NRIP1: variants seen among roughly 807,000 people sequenced by gnomAD.
NRIP1 encodes nuclear receptor interacting protein 1.
NRIP1 carries 28 observed loss-of-function variants against 75.0 expected under a neutral mutation model. That is an observed-to-expected ratio of 0.37 (90% CI 0.28 to 0.51). NRIP1 has a LOEUF of 0.51. Among genes scored for constraint, NRIP1 ranks in the 20% least tolerant of loss-of-function variants. The pLI is 0.92. For missense variants in NRIP1, 1,435 were observed against 1,343.7 expected, an observed-to-expected ratio of 1.07 and a Z score of -1.06; for synonymous variants, 526 against 487.6, an observed-to-expected ratio of 1.08 and a Z score of -1.04.
intron 1 of NRIP1, among the ~76,000 whole-genome samples, chr21:15,054,515 T>G (rs2089267113): frequency 6.6e-6 from 1 of 152,242 alleles, no homozygotes; most frequent in Non-Finnish European, 1.5e-5. Flanking sequence ...AGTTTCACTT[T>G]TTCCCTCATA....
intron 2 of NRIP1, among the ~76,000 whole-genome samples, chr21:15,021,514 A>T (rs1189885184): frequency 6.6e-6 from 1 of 152,162 alleles, no homozygotes; most frequent in Non-Finnish European, 1.5e-5. Flanking sequence ...ATTGACTCAA[A>T]ACCTTCCAAC....
chr21:14,971,159 T>G (rs2086893799), intron 3 of NRIP1, among the ~76,000 whole-genome samples: 1 of 152,212 alleles, frequency 6.6e-6, no homozygotes, highest in East Asian at 1.9e-4. Flanking sequence ...ACAAATAATT[T>G]TATTAAGCTC....
At chr21:15,045,179 G>A (rs1305227938) in intron 1 of NRIP1, among the ~76,000 whole-genome samples, 1 of 152,108 alleles carries the variant, frequency 6.6e-6, no homozygotes, top group Admixed American at 6.5e-5. Context: ...GGTGGTAGGT[G>A]TCCATTCTAC....
chr21:15,062,829 C>CT (rs1240194867), intron 1 of NRIP1, among the ~76,000 whole-genome samples: 2 of 152,164 alleles, frequency 1.3e-5, no homozygotes, highest in African/African-American at 4.8e-5. Flanking sequence ...AGCCTTTAGT[C>CT]TCTTCACACA....
At chr21:15,023,544 G>C (rs2088430725) in intron 2 of NRIP1, among the ~76,000 whole-genome samples, 1 of 152,072 alleles carries the variant, frequency 6.6e-6, no homozygotes, top group Non-Finnish European at 1.5e-5. Context: ...ATATTGGAAG[G>C]CATTAACAAC....
At chr21:15,012,096 T>TA (rs1200380623) in intron 3 of NRIP1, among the ~76,000 whole-genome samples, 2 of 152,106 alleles carry the variant, frequency 1.3e-5, no homozygotes, top group Non-Finnish European at 2.9e-5. Context: ...CAAACTATAG[T>TA]AAAAACCTCA....
intron 3 of NRIP1, among the ~76,000 whole-genome samples, chr21:15,006,498 A>G (rs368698017): frequency 8.5e-4 from 130 of 152,336 alleles, no homozygotes; most frequent in African/African-American, 3.0e-3. Context: ...ATCACAATAT[A>G]TGCTAAAATC....
intron 3 of NRIP1, among the ~76,000 whole-genome samples, chr21:14,969,039 C>A (rs1018938272): frequency 6.6e-6 from 1 of 152,150 alleles, no homozygotes; most frequent in Non-Finnish European, 1.5e-5. Context: ...CATCATCCCC[C>A]AAACACCAGA....
chr21:15,040,146 T>G (rs2088922061), intron 2 of NRIP1, among the ~76,000 whole-genome samples: 1 of 152,118 alleles, frequency 6.6e-6, no homozygotes, highest in African/African-American at 2.4e-5. Flanking sequence ...CTAGTCAGAA[T>G]TCAGAGAGCT....
Position 14,965,397 on chromosome 21 carries a change from G to T in NRIP1, c.2796C>A (p.Ser932Arg). ...EHRSWARESK[S>R]FNVLKQLLLS... Reference sequence around the variant, plus strand: ...GAAGCAGCTGTTTCAGAACATTAAAGCTTTTGCTCTCTCTGGCCCAACTCC... The same window carrying T: ...GAAGCAGCTGTTTCAGAACATTAAATCTTTTGCTCTCTCTGGCCCAACTCC... Residue 932 changes from serine (S) to arginine (R), a missense_variant, in exon 4 of 4, where the codon AGC becomes AGA. Coordinates refer to ENST00000318948, the MANE Select transcript of NRIP1 (RefSeq NM_003489.4). The T allele has an allele frequency of 6.2e-7, 1 of 1,614,042 alleles. No homozygotes were observed. Among genetic ancestry groups the T allele is most frequent in the Non-Finnish European group, 8.5e-7 (1 of 1,179,952 alleles).
intron 1 of NRIP1, among the ~76,000 whole-genome samples, chr21:15,055,833 C>G (rs559739543): frequency 5.9e-5 from 9 of 152,056 alleles, no homozygotes; most frequent in Admixed American, 5.2e-4. Context: ...CCGTAAAATG[C>G]AGATAGTAAC....
intron 3 of NRIP1, among the ~76,000 whole-genome samples, chr21:14,989,702 A>G: frequency 6.6e-6 from 1 of 152,226 alleles, no homozygotes; most frequent in East Asian, 1.9e-4. Context: ...AATTAAAAGT[A>G]GACAAATCTT....
chr21:14,969,127 C>T (rs1347493691), intron 3 of NRIP1, among the ~76,000 whole-genome samples: 1 of 152,160 alleles, frequency 6.6e-6, no homozygotes, highest in Admixed American at 6.6e-5. Context: ...TTTTGTGAGT[C>T]TGTTCAAAGT....
Position 14,990,599 on chromosome 21 carries a change from G to A in NRIP1, c.-334-22073C>T, listed in dbSNP as rs781146665. On this transcript the variant is annotated intron_variant, in intron 3 of 3. Coordinates refer to ENST00000318948, the MANE Select transcript of NRIP1 (RefSeq NM_003489.4). ...AGCCAGAGGGCAACAGTAAGAAACA[G>A]CCAAGAGGTAATGAAATCTTAAAAG... 4.3e-4 allele frequency among the ~76,000 whole-genome samples: 66 copies of A among 152,204 alleles called. 1 individual carries two copies. Among genetic ancestry groups the A allele is most frequent in the Non-Finnish European group, 8.8e-5 (6 of 68,040 alleles).
chr21:14,989,226 C>T (rs532509265), intron 3 of NRIP1, among the ~76,000 whole-genome samples: 3 of 152,256 alleles, frequency 2.0e-5, no homozygotes, highest in Admixed American at 2.0e-4. Flanking sequence ...GGTGCCTTTA[C>T]CTCACGTATG....
intron 1 of NRIP1, among the ~76,000 whole-genome samples, chr21:15,058,066 C>A (rs2089344131): frequency 6.6e-6 from 1 of 152,200 alleles, no homozygotes. Flanking sequence ...ACGGCATATA[C>A]TGCTGTACAG....
intron 1 of NRIP1, among the ~76,000 whole-genome samples, chr21:15,055,032 G>C (rs145266453): frequency 6.6e-6 from 1 of 152,210 alleles, no homozygotes; most frequent in East Asian, 1.9e-4. Context: ...CCATGAAAAG[G>C]TCTACACATA....
In NRIP1 at chr21:14,968,347, C is replaced by T. The variant is rs2086817961; in HGVS notation, c.-155G>A. 4.8e-6 allele frequency: 3 copies of T among 624,258 alleles called. No individual in the cohort carries two copies. The African/African-American group carries it at 5.6e-5, about 12-fold the overall frequency. 38.7% of individuals were successfully genotyped at this position (624,258 alleles called of 1,614,324 possible). A position where few individuals can be genotyped will look rare whatever the true frequency, so the allele number is the denominator to read the frequency against. ...TACTGTTACATTCTGTCCAAGATTT[C>T]TTCTGGCAATGACAAGATAAATGCA... On this transcript the variant is annotated 5_prime_UTR_variant, in exon 4 of 4. Coordinates refer to ENST00000318948, the MANE Select transcript of NRIP1 (RefSeq NM_003489.4).
chr21:15,023,497 T>C (rs1377717210), intron 2 of NRIP1, among the ~76,000 whole-genome samples: 1 of 152,138 alleles, frequency 6.6e-6, no homozygotes, highest in African/African-American at 2.4e-5. Context: ...GGAAGAAAAG[T>C]AACTTGTAAA....
Sources: allele counts gnomAD v4.1 joint callset (sites outside exome capture counted in the v4.1 genomes callset), GRCh38; gene constraint gnomAD v4.1.1; transcripts MANE v1.5; gene names NCBI Gene and HGNC (gene_info 2026-07-23, HGNC 2026-07-21).